Variants in PVT1 observed in about 807,000 individuals in gnomAD.
PVT1 encodes the protein CXCR4/PVT1 fusion.
At chr8:127,954,988 C>T (rs567734764) in intron 3 of PVT1, among the ~76,000 whole-genome samples, 65 of 152,296 alleles carry the variant, frequency 4.3e-4, no homozygotes, top group African/African-American at 1.3e-3. Flanking sequence ...CAATACAGTA[C>T]GCATATCATA....
chr8:128,027,363 G>T (rs1031769307), intron 4 of PVT1, among the ~76,000 whole-genome samples: 1 of 152,224 alleles, frequency 6.6e-6, no homozygotes. Flanking sequence ...CCACAAGGTG[G>T]TGATTCCCTT....
At chr8:128,097,285 T>G (rs928311758) in intron 6 of PVT1, among the ~76,000 whole-genome samples, 1 of 151,324 alleles carries the variant, frequency 6.6e-6, no homozygotes, top group Non-Finnish European at 1.5e-5. Flanking sequence ...CACTTGAACC[T>G]AGGAGGTGGA....
At chr8:127,965,881 T>G (rs1182205485) in intron 3 of PVT1, among the ~76,000 whole-genome samples, 2 of 152,048 alleles carry the variant, frequency 1.3e-5, no homozygotes, top group Non-Finnish European at 2.9e-5. Flanking sequence ...GATGCAGACT[T>G]TAGGTGAGGG....
At chr8:127,957,731 A>C (rs1816588474) in intron 3 of PVT1, among the ~76,000 whole-genome samples, 1 of 152,188 alleles carries the variant, frequency 6.6e-6, no homozygotes, top group Admixed American at 6.5e-5. Context: ...CCTGGGAGCG[A>C]GTGTTTCTCT....
At chr8:127,922,021 C>A (rs964672018) in intron 3 of PVT1, among the ~76,000 whole-genome samples, 2 of 151,042 alleles carry the variant, frequency 1.3e-5, no homozygotes, top group Non-Finnish European at 3.0e-5. Flanking sequence ...CCACCACGCC[C>A]GGTTAATTTT....
chr8:127,986,427 C>T (rs563595677), intron 3 of PVT1, among the ~76,000 whole-genome samples: 12 of 152,264 alleles, frequency 7.9e-5, no homozygotes, highest in South Asian at 6.2e-4. Flanking sequence ...ATGGCTTGCT[C>T]GGCCACATCA....
rs550277674 is a variant in PVT1, at chr8:128,005,583, C to G, written n.912+16292C>G. Among the ~76,000 whole-genome samples the G allele has an allele frequency of 5.3e-5, 8 of 152,282 alleles. No homozygotes were observed. The South Asian group carries it at 1.0e-3, about 20-fold the overall frequency. ...TCCTGGAGCCCTGACTTAGTTAAAC[C>G]TCAGAACATCCCTCTGCATCCGGAT... On this transcript the variant is annotated intron_variant and non_coding_transcript_variant, in intron 4 of 10. Coordinates refer to ENST00000651587, the Ensembl canonical transcript of PVT1.
intron 4 of PVT1, among the ~76,000 whole-genome samples, chr8:128,020,796 C>T (rs756924994): frequency 1.4e-4 from 21 of 152,198 alleles, no homozygotes; most frequent in African/African-American, 3.4e-4. Context: ...AATACAGGAT[C>T]CTAGTGTTTG....
chr8:128,000,664 A>G (rs562586313), intron 4 of PVT1, among the ~76,000 whole-genome samples: 3 of 152,206 alleles, frequency 2.0e-5, no homozygotes, highest in African/African-American at 7.2e-5. Flanking sequence ...TGTGCCTGAC[A>G]GTGTCACCGT....
intron 3 of PVT1, among the ~76,000 whole-genome samples, chr8:127,968,829 G>A (rs987708682): frequency 2.6e-5 from 4 of 152,148 alleles, no homozygotes; most frequent in African/African-American, 9.7e-5. Context: ...TGGGAGGAAG[G>A]CCATGTGATG....
At position 127,959,456 on chromosome 8, in the gene PVT1, G is replaced by A. The variant is rs562851854; in HGVS notation, n.783-29706G>A. Among the ~76,000 whole-genome samples, 7 of 152,124 alleles carry A rather than the reference G, an allele frequency of 4.6e-5. No individual in the cohort carries two copies. The East Asian group carries it at 5.8e-4, about 13-fold the overall frequency. ...AAAAATTAGCTGCACGTGGTGGCAC[G>A]TGCCTATAGTCCCAGCTACTCGGTA... On this transcript the variant is annotated intron_variant and non_coding_transcript_variant, in intron 3 of 10. Transcript: ENST00000651587.
chr8:127,831,185 G>A (rs1814847340), intron 2 of PVT1, among the ~76,000 whole-genome samples: 1 of 149,296 alleles, frequency 6.7e-6, no homozygotes, highest in Admixed American at 6.7e-5. Flanking sequence ...TATTAGTTCT[G>A]TCCCTCCAGG....
At position 127,991,300 on chromosome 8, in the gene PVT1, G is replaced by A. The variant is rs147376099; in HGVS notation, n.912+2009G>A. Among the ~76,000 whole-genome samples, 692 of 151,936 alleles carry A rather than the reference G, an allele frequency of 4.6e-3. 2 individuals carry two copies. The highest frequency in any genetic ancestry group is 7.6e-3 in the Non-Finnish European group (515 of 67,922). On this transcript the variant is annotated intron_variant and non_coding_transcript_variant, in intron 4 of 10. Coordinates refer to ENST00000651587, the Ensembl canonical transcript of PVT1. ...TGGGACTACAGGTGCCCACCACCAC[G>A]CCTGGCTACTTTTTTTTGTATTTTT...
intron 2 of PVT1, among the ~76,000 whole-genome samples, chr8:127,812,576 A>G (rs1814609963): frequency 1.4e-5 from 2 of 145,544 alleles, no homozygotes; most frequent in Admixed American, 1.4e-4. Context: ...AAAAGAAAGA[A>G]AAGGAGAGAG....
At chr8:128,069,357 A>G (rs1813953144) in intron 4 of PVT1, among the ~76,000 whole-genome samples, 1 of 152,200 alleles carries the variant, frequency 6.6e-6, no homozygotes, top group South Asian at 2.1e-4. Flanking sequence ...AAGGCAATAT[A>G]TATTGAATGT....
At chr8:127,859,865 A>G (rs1395665504) in intron 2 of PVT1, among the ~76,000 whole-genome samples, 1 of 151,764 alleles carries the variant, frequency 6.6e-6, no homozygotes, top group South Asian at 2.1e-4. Context: ...CTTGGCCGTC[A>G]TTTGTTTCTT....
chr8:127,938,080 C>T (rs539124584), intron 3 of PVT1, among the ~76,000 whole-genome samples: 2 of 152,170 alleles, frequency 1.3e-5, no homozygotes, highest in East Asian at 2.0e-4. Context: ...CCTCTTCAGG[C>T]GACCTCCTTG....
chr8:127,899,099 C>A (rs1031364924), intron 3 of PVT1, among the ~76,000 whole-genome samples: 24 of 152,166 alleles, frequency 1.6e-4, no homozygotes, highest in Admixed American at 1.4e-3. Flanking sequence ...ACTGGGGGGC[C>A]CCAGAAGCTT....
At chr8:128,061,025 T>G (rs1337040474) in intron 4 of PVT1, among the ~76,000 whole-genome samples, 1 of 150,798 alleles carries the variant, frequency 6.6e-6, no homozygotes, top group African/African-American at 2.4e-5. Flanking sequence ...TTCTCCTGCC[T>G]CAGCCTCCCA....
Sources: gnomAD v4.1 joint callset for allele counts (sites outside exome capture counted in the v4.1 genomes callset) on GRCh38, gnomAD v4.1.1 for gene constraint, MANE v1.5 for transcripts, NCBI Gene and HGNC (gene_info 2026-07-23, HGNC 2026-07-21) for gene names.